Variants in SFMBT1 observed in about 807,000 individuals in gnomAD.
The protein encoded by SFMBT1 is Scm like with four mbt domains 1.
SFMBT1 carries 32 observed loss-of-function variants against 108.7 expected under a neutral mutation model. That is an observed-to-expected ratio of 0.29 (90% CI 0.22 to 0.40). The LOEUF is 0.40. SFMBT1 is among the 10% of genes least tolerant of loss of function. The probability of loss-of-function intolerance (pLI) is 1.00; values close to 1 mark genes in which losing one functional copy is unlikely to be tolerated. For synonymous variants in SFMBT1, 348 were observed against 369.5 expected, an observed-to-expected ratio of 0.94 and a Z score of 0.67; for missense variants, 816 against 1,059.6, an observed-to-expected ratio of 0.77 and a Z score of 3.19.
intron 1 of SFMBT1, among the ~76,000 whole-genome samples, chr3:53,005,979 G>C (rs1483538885): frequency 6.6e-6 from 1 of 152,188 alleles, no homozygotes; most frequent in Non-Finnish European, 1.5e-5. Flanking sequence ...GCAGGTTCTT[G>C]GGAGGAAGGA....
chr3:52,918,417 C>T (rs3733034), intron 13 of SFMBT1, 67 bp downstream of exon 13: 140,367 of 1,224,288 alleles, frequency 0.11, 8,792 homozygotes, highest in Non-Finnish European at 0.13. Context: ...AGGAAATATA[C>T]CCTCTGAAAT....
intron 4 of SFMBT1, among the ~76,000 whole-genome samples, chr3:52,937,715 T>C (rs1339355040): frequency 1.3e-5 from 2 of 152,078 alleles, no homozygotes; most frequent in Non-Finnish European, 2.9e-5. Context: ...CCTGAGTAGC[T>C]GGGATTACTG....
At chr3:53,033,817 C>T (rs71301803) in intron 1 of SFMBT1, among the ~76,000 whole-genome samples, 28,980 of 151,204 alleles carry the variant, frequency 0.19, 3,471 homozygotes, top group Admixed American at 0.28. Flanking sequence ...CGCCTGTAAT[C>T]CCAGCAGTTT....
At chr3:52,951,929 TC>T (rs1703608420) in intron 3 of SFMBT1, among the ~76,000 whole-genome samples, 1 of 152,196 alleles carries the variant, frequency 6.6e-6, no homozygotes, top group South Asian at 2.1e-4. Context: ...AGGGGCTTGC[TC>T]CCAACAATGC....
At chr3:53,004,727 T>C (rs376107692) in intron 1 of SFMBT1, among the ~76,000 whole-genome samples, 29 of 150,332 alleles carry the variant, frequency 1.9e-4, no homozygotes, top group African/African-American at 7.0e-4. Flanking sequence ...TTCTCCATCT[T>C]AAGCCCCTAA....
intron 17 of SFMBT1, 82 bp from the exon 18 acceptor site, chr3:52,907,815 G>T (rs1702110333): frequency 1.6e-6 from 2 of 1,252,576 alleles, no homozygotes; most frequent in Non-Finnish European, 2.2e-6. Context: ...TATTAGCATA[G>T]CAAAAAACAG....
intron 3 of SFMBT1, among the ~76,000 whole-genome samples, chr3:52,945,755 C>A (rs965401176): frequency 1.3e-5 from 2 of 149,576 alleles, no homozygotes; most frequent in Admixed American, 6.7e-5. Flanking sequence ...TGCAGTGAGC[C>A]GAGATCGCAC....
Position 52,916,224 on chromosome 3 carries a change from G to A in SFMBT1, c.1416-10C>T, listed in dbSNP as rs759988387. The A allele has an allele frequency of 3.7e-6, 6 of 1,612,266 alleles. No homozygotes were observed. Among genetic ancestry groups the A allele is most frequent in the Non-Finnish European group, 5.1e-6 (6 of 1,178,600 alleles). On this transcript the variant is annotated splice_polypyrimidine_tract_variant and intron_variant, in intron 13 of 20. Transcript: ENST00000394752. ...CCTCGAGGATGGTACTCTGGGTCAA[G>A]AAAACACAGTAAAATAGTGAGATAA...
chr3:52,906,083 T>A (rs902226775), intron 20 of SFMBT1, 30 bp downstream of exon 20: 3 of 1,611,352 alleles, frequency 1.9e-6, no homozygotes. Flanking sequence ...TAAAGAGACA[T>A]TACTAAAAAT....
chr3:52,914,629 A>G (rs1702299642), intron 14 of SFMBT1, among the ~76,000 whole-genome samples: 1 of 152,202 alleles, frequency 6.6e-6, no homozygotes, highest in African/African-American at 2.4e-5. Context: ...CTGTAGTCCC[A>G]GCTACTCGGG....
At chr3:53,016,771 G>T (rs1347513545) in intron 1 of SFMBT1, among the ~76,000 whole-genome samples, 1 of 152,054 alleles carries the variant, frequency 6.6e-6, no homozygotes, top group East Asian at 1.9e-4. Context: ...GTTGATAATG[G>T]TTTTAATTTT....
chr3:52,959,912 T>C (rs1017743156), intron 2 of SFMBT1, among the ~76,000 whole-genome samples: 1 of 152,040 alleles, frequency 6.6e-6, no homozygotes, highest in Non-Finnish European at 1.5e-5. Flanking sequence ...GCTTGTTATA[T>C]AGAAGACTCT....
intron 1 of SFMBT1, among the ~76,000 whole-genome samples, chr3:52,974,157 C>T (rs1393451292): frequency 6.6e-6 from 1 of 152,100 alleles, no homozygotes; most frequent in Non-Finnish European, 1.5e-5. Context: ...GCTGGAAAAA[C>T]AAAACAAAAC....
chr3:52,917,795 T>C (rs911954385), intron 13 of SFMBT1, among the ~76,000 whole-genome samples: 18 of 152,166 alleles, frequency 1.2e-4, no homozygotes, highest in African/African-American at 4.1e-4. Flanking sequence ...TGGAACAGTT[T>C]CATCCCAAAA....
chr3:52,992,723 A>ATTGT (rs1290779691), intron 1 of SFMBT1, among the ~76,000 whole-genome samples: 1 of 152,204 alleles, frequency 6.6e-6, no homozygotes, highest in Non-Finnish European at 1.5e-5. Context: ...GGGTTAGCAC[A>ATTGT]CTCCACAATG....
At chr3:52,927,383 G>A (rs949573607) in intron 9 of SFMBT1, among the ~76,000 whole-genome samples, 1 of 152,214 alleles carries the variant, frequency 6.6e-6, no homozygotes, top group Non-Finnish European at 1.5e-5. Context: ...AAGGTTCTGA[G>A]TTTATGACCC....
rs1474519529 is a variant in SFMBT1, at chr3:52,954,425, T to C, written c.29-14A>G. On this transcript the variant is annotated splice_polypyrimidine_tract_variant and intron_variant, in intron 2 of 20. Transcript: ENST00000394752. ...CAGAGCCGGCATCTAGAATTAAAAA[T>C]AAAACAAAAACAGGTGAATCCCAAT... is the stretch of plus-strand genomic sequence containing the variant. 1.9e-6 allele frequency: 3 copies of C among 1,594,106 alleles called. No homozygotes were observed. Among genetic ancestry groups the C allele is most frequent in the Non-Finnish European group, 2.6e-6 (3 of 1,167,394 alleles).
chr3:53,022,445 G>A (rs1469698779), intron 1 of SFMBT1, among the ~76,000 whole-genome samples: 21 of 107,354 alleles, frequency 2.0e-4, no homozygotes, highest in African/African-American at 7.4e-4. Context: ...GTGAGGTGCT[G>A]TCTCAAAAAA....
chr3:52,937,730 A>T (rs1179527453), intron 4 of SFMBT1, among the ~76,000 whole-genome samples: 1 of 151,962 alleles, frequency 6.6e-6, no homozygotes, highest in Non-Finnish European at 1.5e-5. Flanking sequence ...TTACTGGCAC[A>T]CACCACTACG....
Sources: allele counts gnomAD v4.1 joint callset (sites outside exome capture counted in the v4.1 genomes callset), GRCh38; gene constraint gnomAD v4.1.1; transcripts MANE v1.5; gene names NCBI Gene and HGNC (gene_info 2026-07-23, HGNC 2026-07-21).